The following SOX6 variants were observed in gnomAD, a reference collection of about 807,000 sequenced individuals.
SOX6 encodes SRY-box transcription factor 6.
A neutral mutation model predicts 97.8 loss-of-function variants in SOX6; 11 were observed. That is an observed-to-expected ratio of 0.11 (90% CI 0.07 to 0.19). The LOEUF (loss-of-function observed/expected upper bound fraction) is 0.19, where lower values mean the gene tolerates loss of function less well. Ranked by LOEUF, SOX6 falls within the 10% of genes least tolerant of loss-of-function variation. SOX6 has a pLI of 1.00. For synonymous variants in SOX6, 360 were observed against 371.4 expected (o/e 0.97, Z 0.35); for missense variants, 810 against 1,039.5 (o/e 0.78, Z 3.04).
intron 4 of SOX6, among the ~76,000 whole-genome samples, chr11:16,500,605 G>A (rs991932089): frequency 3.9e-5 from 6 of 152,178 alleles, no homozygotes; most frequent in Middle Eastern, 3.2e-3. Flanking sequence ...AGCAACTTCA[G>A]CAAAGTCTCA....
intron 2 of SOX6, among the ~76,000 whole-genome samples, chr11:16,724,119 T>G (rs2134055661): frequency 6.6e-6 from 1 of 152,332 alleles, no homozygotes; most frequent in Admixed American, 6.5e-5. Flanking sequence ...AGGGAATACT[T>G]GGATTTTTAG....
chr11:16,715,711 G>T (rs1429269512), intron 2 of SOX6, among the ~76,000 whole-genome samples: 1 of 151,794 alleles, frequency 6.6e-6, no homozygotes. Flanking sequence ...AGCTAAAAGT[G>T]TTTATTATTA....
chr11:16,397,723 T>C (rs1416056303), intron 1 of SOX6, among the ~76,000 whole-genome samples: 1 of 151,524 alleles, frequency 6.6e-6, no homozygotes, highest in African/African-American at 2.4e-5. Flanking sequence ...CAGTTTAAAT[T>C]AGGCCCAAAA....
intron 3 of SOX6, among the ~76,000 whole-genome samples, chr11:16,700,565 G>A (rs1026776226): frequency 2.6e-5 from 4 of 152,206 alleles, no homozygotes; most frequent in Non-Finnish European, 4.4e-5. Context: ...TCCAGCTTCT[G>A]TTTGGAGTTG....
At chr11:16,140,599 C>T (rs1334360604) in intron 6 of SOX6, among the ~76,000 whole-genome samples, 13 of 152,000 alleles carry the variant, frequency 8.6e-5, no homozygotes, top group African/African-American at 2.2e-4. Flanking sequence ...CAGATAAGAC[C>T]ATAAATCGTA....
intron 4 of SOX6, among the ~76,000 whole-genome samples, chr11:16,223,273 G>C (rs930254537): frequency 6.6e-6 from 1 of 152,076 alleles, no homozygotes; most frequent in Non-Finnish European, 1.5e-5. Flanking sequence ...GAGTAAGTGA[G>C]AATTAAGTTT....
At chr11:15,997,078 A>C (rs1854247611) in intron 13 of SOX6, among the ~76,000 whole-genome samples, 1 of 152,218 alleles carries the variant, frequency 6.6e-6, no homozygotes, top group Non-Finnish European at 1.5e-5. Context: ...CATATTACAA[A>C]GATAAAAAGG....
intron 1 of SOX6, among the ~76,000 whole-genome samples, chr11:16,376,357 T>A (rs1236920823): frequency 2.6e-5 from 4 of 151,832 alleles, no homozygotes; most frequent in South Asian, 4.2e-4. Context: ...GAGATGATAG[T>A]GGAAATAGAG....
chr11:16,523,767 T>C (rs570975414), intron 4 of SOX6, among the ~76,000 whole-genome samples: 1 of 151,696 alleles, frequency 6.6e-6, no homozygotes, highest in Non-Finnish European at 1.5e-5. Context: ...GAAAGAAGAA[T>C]CAAATAGACT....
intron 6 of SOX6, among the ~76,000 whole-genome samples, chr11:16,138,446 T>A (rs1158643304): frequency 6.6e-6 from 1 of 152,196 alleles, no homozygotes; most frequent in African/African-American, 2.4e-5. Context: ...GAATCATGTG[T>A]CATCATGCCT....
intron 4 of SOX6, among the ~76,000 whole-genome samples, chr11:16,496,257 G>C (rs1260150541): frequency 6.6e-6 from 1 of 150,636 alleles, no homozygotes; most frequent in African/African-American, 2.4e-5. Flanking sequence ...TGAAATCCCA[G>C]AAAAATAATT....
At chr11:16,195,891 A>T (rs142899823) in intron 4 of SOX6, among the ~76,000 whole-genome samples, 127 of 152,286 alleles carry the variant, frequency 8.3e-4, no homozygotes, top group African/African-American at 2.9e-3. Context: ...ATGTAGGCTG[A>T]GGCTGTCAGG....
At position 16,605,444 on chromosome 11, in the gene SOX6, G is replaced by C. The variant is rs1848323753; in HGVS notation, n.609+6637C>G. Among the ~76,000 whole-genome samples the C allele has an allele frequency of 6.6e-6, 1 of 151,900 alleles. No homozygotes were observed. The highest frequency in any genetic ancestry group is 1.5e-5 in the Non-Finnish European group (1 of 67,978). On this transcript the variant is annotated intron_variant and non_coding_transcript_variant, in intron 4 of 5. Coordinates refer to the SOX6 transcript ENST00000524520. This position sits in a 1 kb window ranked among gnomAD's most constrained non-coding sequence, Gnocchi z 5.3. Reference sequence around the variant, plus strand: ...AATTCGGTTTGTTTATTCCTGAAAAGATCATTAAAAAGTACTGTCCAAAAA... The same window carrying C: ...AATTCGGTTTGTTTATTCCTGAAAACATCATTAAAAAGTACTGTCCAAAAA...
chr11:16,324,760 A>G (rs1303783783), intron 2 of SOX6, among the ~76,000 whole-genome samples: 1 of 152,188 alleles, frequency 6.6e-6, no homozygotes. Flanking sequence ...ACAGTAAAAA[A>G]AGAATAAAAT....
intron 4 of SOX6, among the ~76,000 whole-genome samples, chr11:16,225,464 T>C (rs1268436421): frequency 9.6e-6 from 1 of 103,820 alleles, no homozygotes; most frequent in African/African-American, 3.6e-5. Flanking sequence ...AAGTAGTAAC[T>C]ATGAATTGCT....
intron 1 of SOX6, among the ~76,000 whole-genome samples, chr11:16,426,260 A>G (rs1475079900): frequency 4.8e-4 from 1 of 2,104 alleles, no homozygotes; most frequent in Non-Finnish European, 1.3e-3. Flanking sequence ...CATCTCAAAA[A>G]AAAAAAAAAA....
At chr11:16,480,304 A>G (rs536594219), upstream of SOX6, among the ~76,000 whole-genome samples, 11 of 152,276 alleles carry the variant, frequency 7.2e-5, no homozygotes, top group African/African-American at 2.6e-4. Context: ...AGATATTTCT[A>G]AAATTCAGTA....
chr11:16,101,271 C>T (rs543960318), intron 7 of SOX6, among the ~76,000 whole-genome samples: 3 of 151,600 alleles, frequency 2.0e-5, no homozygotes, highest in Admixed American at 6.6e-5. Context: ...TGTCTTTATG[C>T]GAAACCACAC....
intron 10 of SOX6, among the ~76,000 whole-genome samples, chr11:16,053,796 T>C (rs1361771661): frequency 1.3e-5 from 2 of 152,150 alleles, no homozygotes; most frequent in African/African-American, 4.8e-5. Flanking sequence ...TCATGTTATA[T>C]ACAGAGAAAA....
Sources: gnomAD v4.1 joint callset for allele counts (sites outside exome capture counted in the v4.1 genomes callset) on GRCh38, gnomAD v4.1.1 for gene constraint, Gnocchi (gnomAD v3.1) non-coding constraint, MANE v1.5 for transcripts, NCBI Gene and HGNC (gene_info 2026-07-23, HGNC 2026-07-21) for gene names.